SPG7: variants seen among roughly 807,000 people sequenced by gnomAD.
The protein encoded by SPG7 is mitochondrial inner membrane m-AAA protease component paraplegin.
SPG7 carries 103 observed loss-of-function variants against 81.9 expected under a neutral mutation model. That is an observed-to-expected ratio of 1.26 (90% confidence interval 1.07 to 1.48). The LOEUF is 1.48. Ranked by LOEUF, SPG7 falls within the 40% of genes most tolerant of loss-of-function variation. The probability of loss-of-function intolerance (pLI) is 0.00; values close to 1 mark genes in which losing one functional copy is unlikely to be tolerated. For synonymous variants in SPG7, 534 were observed against 444.2 expected (o/e 1.20, Z -2.54); for missense variants, 1,241 against 1,087.3 (o/e 1.14, Z -1.99).
chr16:89,521,403 G>A (rs887772117), intron 3 of SPG7: 1 of 152,238 alleles, frequency 6.6e-6, no homozygotes, highest in African/African-American at 2.4e-5. Flanking sequence ...TGTGACGAAA[G>A]CAGAAGAGGT....
rs2152403519 is a variant in SPG7, at chr16:89,532,038, CG to C, written c.1124del (p.Gly375AlafsTer64). ...EAQVPFLAMA[G>X]PEFVEVIGGL... ...CTCAGGTGCCCTTCCTGGCGATGGC[CG>C]GCCCAGAGTTCGTGGAGGTCATTGG... On this transcript the variant is annotated frameshift_variant, in exon 8 of 17. Coordinates refer to ENST00000645818, the MANE Select transcript of SPG7 (RefSeq NM_003119.4). LOFTEE classifies it high-confidence loss of function. The C allele has an allele frequency of 1.9e-6, 3 of 1,613,240 alleles. No homozygotes were observed. The highest frequency in any genetic ancestry group is 2.5e-6 in the Non-Finnish European group (3 of 1,179,974).
intron 3 of SPG7, chr16:89,520,309 A>G (rs2058168709): frequency 1.3e-5 from 2 of 158,528 alleles, no homozygotes; most frequent in Non-Finnish European, 2.8e-5. Flanking sequence ...GTTGAACAGA[A>G]GTTAAGGACT....
At chr16:89,548,651 C>G (rs1471940471) in intron 12 of SPG7, 1 of 333,598 alleles carries the variant, frequency 3.0e-6, no homozygotes, top group Admixed American at 4.2e-5. Context: ...TGACGGGTGA[C>G]CGGTGGGCTG....
At chr16:89,548,862 G>A (rs757230385) in intron 12 of SPG7, 7 of 442,558 alleles carry the variant, frequency 1.6e-5, no homozygotes, top group Non-Finnish European at 3.2e-5. Flanking sequence ...GAAAAGGGAA[G>A]TGGTTCTTGC....
At position 89,544,213 on chromosome 16, in the gene SPG7, C is replaced by G. The variant is rs573258155; in HGVS notation, c.1325-435C>G. On this transcript the variant is annotated intron_variant, in intron 9 of 16. Coordinates refer to ENST00000645818, the MANE Select transcript of SPG7 (RefSeq NM_003119.4). Reference sequence around the variant, plus strand: ...CGATGACAAACGTCAAGCCTGAAACCCAGGGCCTAGGGCCAGACGTTGAAG... The same window carrying G: ...CGATGACAAACGTCAAGCCTGAAACGCAGGGCCTAGGGCCAGACGTTGAAG... 486 of 271,926 alleles carry G rather than the reference C, an allele frequency of 1.8e-3. 6 individuals carry two copies. The highest frequency in any genetic ancestry group is 4.8e-4 in the Non-Finnish European group (66 of 137,710). The allele number at this position is 271,926 out of a possible 1,614,324, so 16.8% of individuals were successfully genotyped here.
chr16:89,552,650 G>GT, intron 13 of SPG7: 1 of 376,312 alleles, frequency 2.7e-6, no homozygotes, highest in Admixed American at 3.7e-5. Flanking sequence ...CTGGTGTGAG[G>GT]GGTCAGCGCA....
chr16:89,523,114 C>T (rs191815971), intron 3 of SPG7: 3 of 157,758 alleles, frequency 1.9e-5, no homozygotes, highest in Admixed American at 1.2e-4. Context: ...ATAATGCCAC[C>T]GTGTCTTCAG....
chr16:89,534,507 A>C (rs535358185), intron 9 of SPG7, among the ~76,000 whole-genome samples: 1 of 152,160 alleles, frequency 6.6e-6, no homozygotes, highest in African/African-American at 2.4e-5. Context: ...TTCTAGTTAC[A>C]TTTTAGGTAT....
chr16:89,548,088 G>A lies in SPG7; in HGVS notation c.1638G>A (p.Glu546=), dbSNP rs984343415. 1.7e-5 allele frequency: 27 copies of A among 1,608,216 alleles called. No individual in the cohort carries two copies. The highest frequency in any genetic ancestry group is 2.3e-5 in the Non-Finnish European group (27 of 1,179,880). The change falls in exon 12 of 17, where the codon GAG becomes GAA. Residue 546 remains glutamate, a synonymous_variant. Coordinates refer to ENST00000645818, the MANE Select transcript of SPG7 (RefSeq NM_003119.4). ...GHTSVHTLNF[E]YAVERVLAGT... is the part of the protein sequence containing the mutation. ...CTTCCGTGCACACTCTCAACTTCGA[G>A]TACGCCGTGGAGCGCGTCCTCGCAG...
At chr16:89,523,895 C>A in intron 3 of SPG7, 111 bp from the exon 4 acceptor site, 1 of 1,345,878 alleles carries the variant, frequency 7.4e-7, no homozygotes, top group Non-Finnish European at 1.0e-6. Flanking sequence ...ATCTTCTGTG[C>A]AGGACGCTGC....
At chr16:89,525,048 C>A (rs1194025218) in intron 4 of SPG7, among the ~76,000 whole-genome samples, 1 of 144,202 alleles carries the variant, frequency 6.9e-6, no homozygotes, top group Non-Finnish European at 1.5e-5. Flanking sequence ...CAGCCTTGAT[C>A]TCCTGGGCTC....
chr16:89,524,729 G>A (rs1470737994), intron 4 of SPG7, among the ~76,000 whole-genome samples: 1 of 151,994 alleles, frequency 6.6e-6, no homozygotes, highest in Non-Finnish European at 1.5e-5. Flanking sequence ...ACAGGCGTGA[G>A]CCATCGTGCC....
intron 16 of SPG7, 50 bp downstream of exon 16, chr16:89,554,613 C>T (rs1366067862): frequency 1.5e-6 from 2 of 1,293,966 alleles, no homozygotes; most frequent in Non-Finnish European, 2.2e-6. Context: ...AGTGTCCACA[C>T]AGCACCCACG....
At chr16:89,544,797 C>G (rs985747432) in intron 10 of SPG7, 25 bp downstream of exon 10, 3 of 1,613,510 alleles carry the variant, frequency 1.9e-6, no homozygotes, top group Non-Finnish European at 2.5e-6. Context: ...CCCAGCCTCT[C>G]CCACTCCACC....
In SPG7 at chr16:89,547,716, G is replaced by A. The variant is rs1168406302; in HGVS notation, c.1553-287G>A. On this transcript the variant is annotated intron_variant, in intron 11 of 16. Coordinates refer to ENST00000645818, the MANE Select transcript of SPG7 (RefSeq NM_003119.4). ...CAGCCTCCGCCTCCTGGGTTCAACC[G>A]ATTTTCCTGCCTCAGCCTCCTGAGT... 4.2e-5 allele frequency: 17 copies of A among 405,692 alleles called. 1 individual carries two copies. The highest frequency in any genetic ancestry group is 2.0e-4 in the African/African-American group (10 of 48,866). 25.1% of individuals were successfully genotyped at this position (405,692 alleles called of 1,614,324 possible).
At chr16:89,526,171 C>T (rs780321393) in intron 4 of SPG7, among the ~76,000 whole-genome samples, 158 bp from the exon 5 acceptor site, 22 of 152,050 alleles carry the variant, frequency 1.4e-4, no homozygotes, top group Non-Finnish European at 1.5e-5. Context: ...TAAGTGGAAC[C>T]GTCGTACGTT....
chr16:89,554,092 C>A, intron 15 of SPG7, 132 bp downstream of exon 15: 1 of 839,210 alleles, frequency 1.2e-6, no homozygotes, highest in Non-Finnish European at 1.9e-6. Context: ...TTTCTTCCTT[C>A]TGGGCTCTGC....
At chr16:89,517,870 C>G (rs1300989295) in intron 3 of SPG7, 1 of 152,254 alleles carries the variant, frequency 6.6e-6, no homozygotes, top group Non-Finnish European at 1.5e-5. Flanking sequence ...CTGCCCACCT[C>G]GGCCTCCCAA....
At chr16:89,555,494 C>G (rs1004445739) in intron 16 of SPG7, 1 of 168,712 alleles carries the variant, frequency 5.9e-6, no homozygotes, top group Non-Finnish European at 1.3e-5. Flanking sequence ...GAGGAGCCCC[C>G]GCCGACCCGC....
Sources: allele counts gnomAD v4.1 joint callset (sites outside exome capture counted in the v4.1 genomes callset), GRCh38; gene constraint gnomAD v4.1.1; transcripts MANE v1.5; gene names NCBI Gene and HGNC (gene_info 2026-07-23, HGNC 2026-07-21).